The following SLC38A6 variants were observed in gnomAD, a reference collection of about 807,000 sequenced individuals.
SLC38A6 encodes N system amino acid transporter NAT-1.
A neutral mutation model predicts 65.0 loss-of-function variants in SLC38A6; 73 were observed. The ratio of observed to expected loss-of-function variants is 1.12; its 90% CI spans 0.93 to 1.37. The LOEUF (loss-of-function observed/expected upper bound fraction) is 1.37. Among genes scored for constraint, SLC38A6 ranks in the 40% most tolerant of loss-of-function variants. The probability of loss-of-function intolerance (pLI) is 0.00; values close to 1 mark genes in which losing one functional copy is unlikely to be tolerated. For missense variants in SLC38A6, 561 were observed against 531.1 expected, an observed-to-expected ratio of 1.06 and a Z score of -0.55; for synonymous variants, 183 against 178.8, an observed-to-expected ratio of 1.02 and a Z score of -0.19.
rs2039450376 is a variant in SLC38A6, at chr14:61,010,212, C to T, written c.311-5692C>T. Among the ~76,000 whole-genome samples the T allele has an allele frequency of 4.6e-5, 7 of 152,228 alleles. No homozygotes were observed. The South Asian group carries it at 1.5e-3, about 32-fold the overall frequency. The stretch of plus-strand genomic sequence containing the variant: ...GAAGTGTCTGTTCATATCCTTCGCC[C>T]ACTTGTTGATGCGGTTGTTTTTTTC... On this transcript the variant is annotated intron_variant, in intron 3 of 15. Coordinates refer to ENST00000267488, the MANE Select transcript of SLC38A6 (RefSeq NM_153811.3).
At chr14:61,021,816 C>G (rs2040358714) in intron 5 of SLC38A6, among the ~76,000 whole-genome samples, 1 of 152,074 alleles carries the variant, frequency 6.6e-6, no homozygotes, top group Admixed American at 6.6e-5. Context: ...TACATATTTT[C>G]AGAGTTTTTT....
intron 6 of SLC38A6, 99 bp from the exon 7 acceptor site, chr14:61,036,960 C>CTGTGTGTG (rs34977105): frequency 0.031 from 13,466 of 436,724 alleles, 254 homozygotes; most frequent in Non-Finnish European, 0.034. Flanking sequence ...GGTTATAACT[C>CTGTGTGTG]TGTGTGTGTG....
chr14:60,998,919 G>C (rs1407124288), intron 3 of SLC38A6, among the ~76,000 whole-genome samples: 1 of 152,220 alleles, frequency 6.6e-6, no homozygotes, highest in East Asian at 1.9e-4. Context: ...TTAGTTGGAG[G>C]GTGAGGGTCA....
At chr14:61,049,632 T>TG (rs1420890073) in intron 12 of SLC38A6, among the ~76,000 whole-genome samples, 2 of 152,226 alleles carry the variant, frequency 1.3e-5, no homozygotes, top group Admixed American at 1.3e-4. Flanking sequence ...ATCATAGCTA[T>TG]GTGTATTCAT....
At chr14:60,989,275 C>A (rs1285741427) in intron 3 of SLC38A6, among the ~76,000 whole-genome samples, 3 of 152,214 alleles carry the variant, frequency 2.0e-5, no homozygotes, top group African/African-American at 7.2e-5. Context: ...ATCACTCCAG[C>A]CACTTTCTCC....
chr14:61,068,620 C>G (rs551675759), intron 15 of SLC38A6, among the ~76,000 whole-genome samples: 11 of 152,332 alleles, frequency 7.2e-5, no homozygotes, highest in African/African-American at 2.6e-4. Flanking sequence ...TCAGAGAGGT[C>G]TGCCCTGCCT....
chr14:61,019,881 C>T (rs1344334698), intron 5 of SLC38A6, among the ~76,000 whole-genome samples: 1 of 152,092 alleles, frequency 6.6e-6, no homozygotes, highest in Non-Finnish European at 1.5e-5. Context: ...GAAAAGCTCT[C>T]CTGGTGATTT....
intron 3 of SLC38A6, among the ~76,000 whole-genome samples, chr14:61,005,874 A>G (rs956458874): frequency 3.8e-4 from 58 of 152,340 alleles, no homozygotes; most frequent in African/African-American, 1.3e-3. Context: ...TGCCAAGTCA[A>G]TCCTAAGCCA....
At chr14:60,988,312 G>T (rs1831172483) in intron 3 of SLC38A6, among the ~76,000 whole-genome samples, 2 of 152,120 alleles carry the variant, frequency 1.3e-5, no homozygotes, top group Admixed American at 1.3e-4. Flanking sequence ...ACCATCTACG[G>T]CTCTCCTTAC....
intron 15 of SLC38A6, among the ~76,000 whole-genome samples, chr14:61,067,932 G>A (rs1254512840): frequency 6.6e-6 from 1 of 152,028 alleles, no homozygotes; most frequent in East Asian, 1.9e-4. Flanking sequence ...AGATAAAAAT[G>A]TTAAATGAGA....
intron 1 of SLC38A6, 63 bp downstream of exon 1, chr14:60,981,445 A>G (rs767958697): frequency 5.2e-6 from 8 of 1,547,778 alleles, no homozygotes; most frequent in Non-Finnish European, 7.0e-6. Flanking sequence ...GTGCCTGCCA[A>G]ATAAGACCCA....
intron 3 of SLC38A6, among the ~76,000 whole-genome samples, chr14:61,012,008 G>T (rs947217659): frequency 3.3e-5 from 5 of 152,094 alleles, no homozygotes; most frequent in African/African-American, 9.7e-5. Context: ...GATTGCATCT[G>T]GTCCTGGACT....
At chr14:61,042,850 T>C (rs2041892903) in intron 8 of SLC38A6, among the ~76,000 whole-genome samples, 1 of 152,210 alleles carries the variant, frequency 6.6e-6, no homozygotes, top group African/African-American at 2.4e-5. Context: ...GTTCCTGTTT[T>C]GAGTTGCACT....
chr14:60,988,504 A>G (rs568103497), intron 3 of SLC38A6, among the ~76,000 whole-genome samples: 4 of 152,242 alleles, frequency 2.6e-5, no homozygotes, highest in African/African-American at 9.6e-5. Context: ...TTCTTCTCTA[A>G]TGATCATATT....
In SLC38A6 at chr14:61,067,485, T is replaced by G. The variant is rs2043062142; in HGVS notation, c.1291-11325T>G. Among the ~76,000 whole-genome samples the G allele has an allele frequency of 2.0e-5, 3 of 152,272 alleles. No homozygotes were observed. The South Asian group carries it at 6.2e-4, about 32-fold the overall frequency. On this transcript the variant is annotated intron_variant, in intron 15 of 16. Coordinates refer to the SLC38A6 transcript ENST00000354886. ...GCATTTATTTTCACTACTGATGTAT[T>G]TTTCCCCGGAAAAAGTAATTCTTGT...
At chr14:61,006,079 G>A (rs375373875) in intron 3 of SLC38A6, among the ~76,000 whole-genome samples, 4 of 152,052 alleles carry the variant, frequency 2.6e-5, no homozygotes, top group East Asian at 1.9e-4. Flanking sequence ...CAATGGGGAA[G>A]GGATTCCCTA....
chr14:61,043,513 T>C lies in SLC38A6; in HGVS notation c.744+10T>C. ...TCATTTCTCCAAAGAGGTGTGTAAG[T>C]TATTAACAGATACTTTTAGTTGATT... On this transcript the variant is annotated intron_variant, in intron 10 of 15. Transcript: ENST00000267488. The C allele has an allele frequency of 6.3e-7, 1 of 1,584,662 alleles. No individual in the cohort carries two copies. The highest frequency in any genetic ancestry group is 1.8e-5 in the Admixed American group (1 of 56,452).
intron 3 of SLC38A6, among the ~76,000 whole-genome samples, chr14:60,988,717 AC>A (rs1200738195): frequency 7.2e-5 from 11 of 151,764 alleles, no homozygotes; most frequent in Non-Finnish European, 1.5e-4. Flanking sequence ...CTTTGCACTG[AC>A]CCCCCACACT....
chr14:61,019,614 A>T (rs2139576831), intron 5 of SLC38A6, 34 bp downstream of exon 5: 1 of 1,596,230 alleles, frequency 6.3e-7, no homozygotes, highest in East Asian at 2.2e-5. Flanking sequence ...TTATACATAA[A>T]TGTGATGGCA....
Sources: gnomAD v4.1 joint callset for allele counts (sites outside exome capture counted in the v4.1 genomes callset) on GRCh38, gnomAD v4.1.1 for gene constraint, MANE v1.5 for transcripts, NCBI Gene and HGNC (gene_info 2026-07-23, HGNC 2026-07-21) for gene names.